The following HDLBP variants were observed in gnomAD, a reference collection of about 807,000 sequenced individuals.
HDLBP encodes high density lipoprotein binding protein, also known as vigilin.
HDLBP carries 30 observed loss-of-function variants against 137.3 expected under a neutral mutation model. That is an observed-to-expected ratio of 0.22 (90% CI 0.16 to 0.30). The LOEUF (loss-of-function observed/expected upper bound fraction) is 0.30. HDLBP is among the 10% of genes least tolerant of loss of function. The probability of loss-of-function intolerance (pLI) is 1.00; values close to 1 mark genes in which losing one functional copy is unlikely to be tolerated. For synonymous variants in HDLBP, 606 were observed against 596.0 expected (o/e 1.02, Z -0.24); for missense variants, 1,119 against 1,667.3 (o/e 0.67, Z 5.73).
chr2:241,303,995 G>A (rs1216983186), intron 1 of HDLBP, among the ~76,000 whole-genome samples: 1 of 152,088 alleles, frequency 6.6e-6, no homozygotes, highest in Non-Finnish European at 1.5e-5. Flanking sequence ...ATATTTTGTA[G>A]AGATGGGGGT....
chr2:241,292,371 A>G (rs1241657482), intron 1 of HDLBP, among the ~76,000 whole-genome samples: 2 of 152,188 alleles, frequency 1.3e-5, no homozygotes, highest in Non-Finnish European at 2.9e-5. Flanking sequence ...TAAAAACAAA[A>G]ACTAAAAAAG....
At position 241,235,275 on chromosome 2, in the gene HDLBP, A is replaced by G; in HGVS notation, c.3010-20T>C. On this transcript the variant is annotated intron_variant, in intron 22 of 27. Coordinates refer to ENST00000310931, the MANE Select transcript of HDLBP (RefSeq NM_005336.6). ...GTTCACCTACGTGAAGAGGGGGCTG[A>G]CTTGACGTTCAGGACCCCAGAGAAC... 1 of 1,614,086 alleles carries G rather than the reference A, an allele frequency of 6.2e-7. No individual in the cohort carries two copies. Among genetic ancestry groups the G allele is most frequent in the Non-Finnish European group, 8.5e-7 (1 of 1,180,018 alleles).
chr2:241,259,667 G>A (rs1219976801), intron 5 of HDLBP, among the ~76,000 whole-genome samples: 1 of 152,122 alleles, frequency 6.6e-6, no homozygotes, highest in Non-Finnish European at 1.5e-5. Context: ...TAGAGATGGG[G>A]TCTGACCATG....
chr2:241,238,927 G>A lies in HDLBP; in HGVS notation c.2611-140C>T. The A allele has an allele frequency of 1.6e-6, 1 of 634,152 alleles. No homozygotes were observed. Among genetic ancestry groups the A allele is most frequent in the Admixed American group, 2.9e-5 (1 of 34,484 alleles). 39.3% of individuals were successfully genotyped at this position (634,152 alleles called of 1,614,324 possible). On this transcript the variant is annotated intron_variant, in intron 19 of 27. Transcript: ENST00000310931. This position sits in a 1 kb window ranked among gnomAD's most constrained non-coding sequence, Gnocchi z 4.9. Reference sequence around the variant, plus strand: ...AGATGCTCCCCTTCTCCCGAGTCCAGGGCTCCAGGCGCAGGGAGGAGGGAG... The same window carrying A: ...AGATGCTCCCCTTCTCCCGAGTCCAAGGCTCCAGGCGCAGGGAGGAGGGAG...
At chr2:241,314,260 A>G (rs1226825496) in intron 1 of HDLBP, among the ~76,000 whole-genome samples, 3 of 152,250 alleles carry the variant, frequency 2.0e-5, no homozygotes, top group African/African-American at 7.2e-5. Flanking sequence ...AAATCAAAAT[A>G]TAAACCTAAG....
chr2:241,301,917 C>G (rs931011364), intron 1 of HDLBP, among the ~76,000 whole-genome samples: 1 of 152,004 alleles, frequency 6.6e-6, no homozygotes, highest in African/African-American at 2.4e-5. Flanking sequence ...TGTTTCAAAA[C>G]CTCAATTTCA....
Position 241,236,988 on chromosome 2 carries a change from G to T in HDLBP, c.2750-219C>A, listed in dbSNP as rs1034443449. Among the ~76,000 whole-genome samples, 24 of 150,674 alleles carry T rather than the reference G, an allele frequency of 1.6e-4. 1 individual carries two copies. The highest frequency in any genetic ancestry group is 4.4e-4 in the South Asian group (2 of 4,592). On this transcript the variant is annotated intron_variant, in intron 20 of 27. Transcript: ENST00000310931. Reference sequence around the variant, plus strand: ...GGGCTCCCAGACCTTGGGGGGGGGGGGGGGGGCGGCAATGAAGGCTTTGCC... The same window carrying T: ...GGGCTCCCAGACCTTGGGGGGGGGGTGGGGGGCGGCAATGAAGGCTTTGCC...
At chr2:241,260,488 G>GATT (rs34914968) in intron 5 of HDLBP, among the ~76,000 whole-genome samples, 5,063 of 152,238 alleles carry the variant, frequency 0.033, 505 homozygotes, top group Admixed American at 0.19. Context: ...CCAAAGAATC[G>GATT]ATTATTTATC....
intron 16 of HDLBP, among the ~76,000 whole-genome samples, chr2:241,243,032 G>A (rs566613398): frequency 2.2e-4 from 34 of 152,338 alleles, no homozygotes; most frequent in African/African-American, 7.0e-4. Flanking sequence ...GGCTCTGCCA[G>A]AGGTGGCTCC....
intron 11 of HDLBP, chr2:241,250,748 G>A (rs542805434): frequency 6.6e-6 from 1 of 152,286 alleles, no homozygotes; most frequent in Admixed American, 6.5e-5. Context: ...ATGCACTGAG[G>A]GGGGAACATG....
chr2:241,281,679 C>T (rs2074613374), intron 1 of HDLBP, among the ~76,000 whole-genome samples: 1 of 152,134 alleles, frequency 6.6e-6, no homozygotes, highest in South Asian at 2.1e-4. Flanking sequence ...ATGATATGTG[C>T]TGTAAGTCTA....
chr2:241,235,057 TCTGACATGTG>T, intron 23 of HDLBP, 54 bp downstream of exon 23: 3 of 1,580,806 alleles, frequency 1.9e-6, no homozygotes, highest in Non-Finnish European at 2.6e-6. Flanking sequence ...TTCCCTAGAT[TCTGACATGTG>T]CCCAAAGCTG....
At chr2:241,305,126 AC>A (rs1315264090) in intron 1 of HDLBP, among the ~76,000 whole-genome samples, 1 of 152,176 alleles carries the variant, frequency 6.6e-6, no homozygotes, top group African/African-American at 2.4e-5. Context: ...ACCAGGCTCT[AC>A]TTTTTCATTT....
At chr2:241,293,728 T>G (rs2075081346) in intron 1 of HDLBP, among the ~76,000 whole-genome samples, 2 of 151,478 alleles carry the variant, frequency 1.3e-5, no homozygotes, top group African/African-American at 4.9e-5. Flanking sequence ...AAGACCAGCC[T>G]GGGCAACATA....
At chr2:241,241,572 A>ACAAAC (rs2071231799) in intron 17 of HDLBP, among the ~76,000 whole-genome samples, 1 of 82,688 alleles carries the variant, frequency 1.2e-5, no homozygotes, top group Admixed American at 1.9e-4. Flanking sequence ...GTCTCAAAAA[A>ACAAAC]AAAAAAAAAA....
intron 2 of HDLBP, among the ~76,000 whole-genome samples, chr2:241,267,226 AAAAC>A (rs1461532378): frequency 1.1e-4 from 16 of 152,272 alleles, no homozygotes; most frequent in Admixed American, 2.6e-4. Flanking sequence ...AAAACAAAAC[AAAAC>A]AAACAAAAAA....
In HDLBP at chr2:241,228,348, C is replaced by T. The variant is rs1559465135; in HGVS notation, c.*1253G>A. 6.6e-6 allele frequency: 1 copy of T among 152,380 alleles called. No homozygotes were observed. Among genetic ancestry groups the T allele is most frequent in the East Asian group, 1.9e-4 (1 of 5,204 alleles). The allele number at this position is 152,380 out of a possible 1,614,324, so 9.4% of individuals were successfully genotyped here. On this transcript the variant is annotated 3_prime_UTR_variant, in exon 28 of 28. Transcript: ENST00000310931. ...CTCGGAGAGCAGGGTCTCTCGGCAT[C>T]CAGCGGCGTGGTCTGCATTCTGCTC... is the stretch of plus-strand genomic sequence containing the variant.
At chr2:241,256,916 C>G in intron 5 of HDLBP, 110 bp from the exon 6 acceptor site, 1 of 859,088 alleles carries the variant, frequency 1.2e-6, no homozygotes, top group South Asian at 1.6e-5. Flanking sequence ...TCCTGCCCAG[C>G]AGCACCAACT....
rs968521548 is a variant in HDLBP, at chr2:241,273,312, A to G, written c.-102-4771T>C. 8.1e-6 allele frequency: 7 copies of G among 867,140 alleles called. No homozygotes were observed. In the African/African-American group the frequency reaches 1.3e-4, roughly 16 times the overall value. The allele number at this position is 867,140 out of a possible 1,614,324, so 53.7% of individuals were successfully genotyped here. ...TATTCCTTATGTCCCTCACTTTTATAAACTATCCCCACCCGATTCCTTGGC... is the reference window on the plus strand; with the variant it reads ...TATTCCTTATGTCCCTCACTTTTATGAACTATCCCCACCCGATTCCTTGGC... On this transcript the variant is annotated intron_variant, in intron 1 of 27. Transcript: ENST00000310931.
Sources: gnomAD v4.1 joint callset for allele counts (sites outside exome capture counted in the v4.1 genomes callset) on GRCh38, gnomAD v4.1.1 for gene constraint, Gnocchi (gnomAD v3.1) non-coding constraint, MANE v1.5 for transcripts, NCBI Gene and HGNC (gene_info 2026-07-23, HGNC 2026-07-21) for gene names.